Variants in SUZ12 observed in about 807,000 individuals in gnomAD.
SUZ12 encodes the protein polycomb protein SUZ12.
Under a neutral mutation model 87.3 loss-of-function variants are expected in SUZ12, and 17 were observed. That is an observed-to-expected ratio of 0.19 (90% CI 0.13 to 0.29). SUZ12 has a LOEUF of 0.29. Ranked by LOEUF, SUZ12 falls within the 10% of genes least tolerant of loss-of-function variation. The pLI is 1.00. For missense variants in SUZ12, 526 were observed against 912.2 expected (o/e 0.58, Z 5.45); for synonymous variants, 253 against 312.4 (o/e 0.81, Z 2.01).
intron 3 of SUZ12, among the ~76,000 whole-genome samples, chr17:31,943,628 C>G (rs1906436449): frequency 6.6e-6 from 1 of 152,102 alleles, no homozygotes; most frequent in South Asian, 2.1e-4. Context: ...CAGATTTGAC[C>G]ATGGTCCATA....
At chr17:31,944,907 A>C (rs1231673788) in intron 3 of SUZ12, among the ~76,000 whole-genome samples, 3 of 152,072 alleles carry the variant, frequency 2.0e-5, no homozygotes, top group African/African-American at 7.2e-5. Flanking sequence ...TATCTACAAA[A>C]ATTTTAAAAA....
chr17:31,942,773 C>T (rs567205249), intron 3 of SUZ12, among the ~76,000 whole-genome samples: 14 of 152,172 alleles, frequency 9.2e-5, no homozygotes, highest in Admixed American at 2.0e-4. Flanking sequence ...TGCTGTGTAA[C>T]ATTTAGTACT....
chr17:31,974,904 G>A (rs1045231183), intron 6 of SUZ12, among the ~76,000 whole-genome samples: 1 of 152,044 alleles, frequency 6.6e-6, no homozygotes, highest in African/African-American at 2.4e-5. Flanking sequence ...CTCAGAATAT[G>A]ATCATTGGTA....
intron 15 of SUZ12, among the ~76,000 whole-genome samples, chr17:31,997,666 C>CA (rs892389046): frequency 0.044 from 3,086 of 69,786 alleles, 65 homozygotes; most frequent in East Asian, 0.051. Flanking sequence ...ACCCTATCTC[C>CA]AAAAAAAAAA....
intron 10 of SUZ12, among the ~76,000 whole-genome samples, chr17:31,989,508 C>G (rs1046346839): frequency 6.6e-6 from 1 of 152,064 alleles, no homozygotes; most frequent in Non-Finnish European, 1.5e-5. Context: ...CAGAAACTTA[C>G]AAGAAAACTA....
rs1906705307 is a variant in SUZ12, at chr17:31,947,539, A to G, written c.387-78A>G. On this transcript the variant is annotated intron_variant, in intron 3 of 15. Transcript: ENST00000322652. ...TCAAAATCTGGTTTCCATCTTGCCT[A>G]TTAGAGTGACAATAAAGTATAATTT... is the stretch of plus-strand genomic sequence containing the variant. 17 of 1,511,600 alleles carry G rather than the reference A, an allele frequency of 1.1e-5. No homozygotes were observed. In the Middle Eastern group the frequency reaches 5.9e-4, roughly 53 times the overall value. The allele number at this position is 1,511,600 out of a possible 1,614,324, so 93.6% of individuals were successfully genotyped here. A position where few individuals can be genotyped will look rare whatever the true frequency, so the allele number is the denominator to read the frequency against.
chr17:31,985,908 G>A (rs1008440933), intron 9 of SUZ12, among the ~76,000 whole-genome samples: 5 of 151,880 alleles, frequency 3.3e-5, no homozygotes, highest in Admixed American at 2.0e-4. Context: ...TGATCCACCC[G>A]CCTCGGCCTC....
chr17:31,948,736 A>G (rs1906779637), intron 4 of SUZ12, among the ~76,000 whole-genome samples: 1 of 152,174 alleles, frequency 6.6e-6, no homozygotes, highest in Admixed American at 6.5e-5. Flanking sequence ...TATAATTTAT[A>G]TTTCCATGTC....
chr17:31,963,814 TG>T (rs1297699856), intron 4 of SUZ12: 1 of 152,054 alleles, frequency 6.6e-6, no homozygotes, highest in Non-Finnish European at 1.5e-5. Flanking sequence ...TGAGCCACCG[TG>T]CCCGGCCATT....
chr17:31,956,742 A>C (rs949293301), intron 4 of SUZ12, among the ~76,000 whole-genome samples: 1 of 151,782 alleles, frequency 6.6e-6, no homozygotes, highest in Non-Finnish European at 1.5e-5. Context: ...TTTTCTCTCT[A>C]TATATACGTG....
chr17:31,995,730 G>A lies in SUZ12; in HGVS notation c.1762G>A (p.Asp588Asn), dbSNP rs1325577906. Residue 588 changes from aspartate (D) to asparagine (N), a missense_variant, in exon 14 of 16, where the codon GAT becomes AAT. By Grantham distance (23) the Asp-to-Asn change is conservative. Transcript: ENST00000322652. ...EMEVDSEDEKDPEWLREKTIT... is the reference protein window; with the variant it reads ...EMEVDSEDEKNPEWLREKTIT... ...GGAAGTAGATAGTGAAGATGAAAAG[G>A]ATCCTGAATGGCTAAGAGAAAAAAC... 1 of 1,613,618 alleles carries A rather than the reference G, an allele frequency of 6.2e-7. No homozygotes were observed. The highest frequency in any genetic ancestry group is 8.5e-7 in the Non-Finnish European group (1 of 1,179,718).
At chr17:31,973,380 C>G (rs534676709) in intron 6 of SUZ12, 149 bp downstream of exon 6, 1 of 555,812 alleles carries the variant, frequency 1.8e-6, no homozygotes, top group African/African-American at 2.0e-5. Context: ...AACTGATAAC[C>G]TCTTTTGCCA....
chr17:31,965,140 A>C (rs1363966507), intron 4 of SUZ12, among the ~76,000 whole-genome samples: 1 of 149,156 alleles, frequency 6.7e-6, no homozygotes, highest in Non-Finnish European at 1.5e-5. Flanking sequence ...GATTGTCACC[A>C]TCATTTAAAA....
intron 4 of SUZ12, among the ~76,000 whole-genome samples, chr17:31,958,337 A>G (rs564814620): frequency 1.3e-5 from 2 of 152,322 alleles, no homozygotes; most frequent in South Asian, 4.1e-4. Context: ...CATCCGACCT[A>G]TTAAATTATT....
At chr17:31,960,702 C>T (rs1251487903) in intron 4 of SUZ12, among the ~76,000 whole-genome samples, 4 of 152,046 alleles carry the variant, frequency 2.6e-5, no homozygotes, top group East Asian at 1.9e-4. Context: ...TTCAGCCTCC[C>T]GAGTAACTGG....
intron 4 of SUZ12, among the ~76,000 whole-genome samples, chr17:31,953,930 T>C (rs1245507353): frequency 1.3e-5 from 2 of 151,948 alleles, no homozygotes; most frequent in Non-Finnish European, 2.9e-5. Flanking sequence ...GCCAGGATGG[T>C]CTTGATCTCC....
In SUZ12 at chr17:31,999,384, G is replaced by A. The variant is rs1014166205; in HGVS notation, c.*381G>A. 3.6e-4 allele frequency: 84 copies of A among 233,356 alleles called. No homozygotes were observed. Among genetic ancestry groups the A allele is most frequent in the African/African-American group, 1.6e-3 (71 of 45,432 alleles). The allele number at this position is 233,356 out of a possible 1,614,324, so 14.5% of individuals were successfully genotyped here. On this transcript the variant is annotated 3_prime_UTR_variant, in exon 16 of 16. Transcript: ENST00000322652. ...TGTAATTGTGAGACATTTTCTTGGG[G>A]AGGGAAAATTGGAATGGTTCCCTTT...
At chr17:31,995,295 C>G (rs1285125597) in intron 13 of SUZ12, among the ~76,000 whole-genome samples, 1 of 152,072 alleles carries the variant, frequency 6.6e-6, no homozygotes, top group African/African-American at 2.4e-5. Flanking sequence ...TGTGCCCTAA[C>G]TAGCACTTCA....
At chr17:31,982,106 A>T (rs1024296318) in intron 8 of SUZ12, among the ~76,000 whole-genome samples, 5 of 152,234 alleles carry the variant, frequency 3.3e-5, no homozygotes, top group Non-Finnish European at 4.4e-5. Context: ...ATGTACACAC[A>T]CCTTAAAACT....
Sources: gnomAD v4.1 joint callset for allele counts (sites outside exome capture counted in the v4.1 genomes callset) on GRCh38, gnomAD v4.1.1 for gene constraint, MANE v1.5 for transcripts, NCBI Gene and HGNC (gene_info 2026-07-23, HGNC 2026-07-21) for gene names.